Variants in SLC24A2 observed in about 807,000 individuals in gnomAD.
The protein encoded by SLC24A2 is solute carrier family 24 member 2.
A neutral mutation model predicts 62.0 loss-of-function variants in SLC24A2; 36 were observed. The observed-to-expected ratio is 0.58, with a 90% CI of 0.44 to 0.77. The LOEUF is 0.77. SLC24A2 is among the 30% of genes least tolerant of loss of function. SLC24A2 has a pLI of 0.00. For missense variants in SLC24A2, 846 were observed against 817.9 expected (o/e 1.03, Z -0.42); for synonymous variants, 358 against 294.0 (o/e 1.22, Z -2.23).
chr9:19,803,372 G>T, the SLC24A2 span, among the ~76,000 whole-genome samples: 1 of 151,962 alleles, frequency 6.6e-6, no homozygotes, highest in African/African-American at 2.4e-5. Flanking sequence ...TTTAGTCTTG[G>T]GATGCTGACA....
intron 2 of SLC24A2, among the ~76,000 whole-genome samples, chr9:19,736,220 T>C (rs574406807): frequency 2.0e-5 from 3 of 152,172 alleles, no homozygotes; most frequent in Admixed American, 6.5e-5. Flanking sequence ...AATATAATAA[T>C]AATACTTGAT....
At chr9:19,735,018 A>G (rs1821462671) in intron 2 of SLC24A2, among the ~76,000 whole-genome samples, 1 of 152,140 alleles carries the variant, frequency 6.6e-6, no homozygotes. Flanking sequence ...ATGGGATCTA[A>G]TTAAACTAAA....
chr9:19,884,168 A>G, the SLC24A2 span, among the ~76,000 whole-genome samples: 1 of 152,370 alleles, frequency 6.6e-6, no homozygotes, highest in South Asian at 2.1e-4. Context: ...AAATTCATCT[A>G]TAATGATCTT....
At chr9:19,680,851 TTGTGTGTGTGTGTG>T (rs72142691) in intron 2 of SLC24A2, among the ~76,000 whole-genome samples, 4,027 of 147,048 alleles carry the variant, frequency 0.027, 186 homozygotes, top group African/African-American at 0.096. Context: ...TATACCAGAG[TTGTGTGTGTGTGTG>T]TGTGTGTGTG....
At chr9:20,197,889 G>A in the SLC24A2 span, among the ~76,000 whole-genome samples, 3 of 152,278 alleles carry the variant, frequency 2.0e-5, no homozygotes, top group African/African-American at 4.8e-5. Context: ...GAATGTAAAG[G>A]TGAAAAATGA....
chr9:19,626,493 G>C (rs1818039826), intron 2 of SLC24A2, among the ~76,000 whole-genome samples: 1 of 152,160 alleles, frequency 6.6e-6, no homozygotes, highest in East Asian at 1.9e-4. Context: ...CTAAGTAACA[G>C]CTATAAACTT....
At chr9:19,685,983 A>G (rs1300885739) in intron 2 of SLC24A2, among the ~76,000 whole-genome samples, 1 of 152,132 alleles carries the variant, frequency 6.6e-6, no homozygotes, top group Admixed American at 6.5e-5. Flanking sequence ...TAAACAGACA[A>G]CCTACATAAT....
chr9:19,566,108 G>A (rs1835638700), intron 7 of SLC24A2, among the ~76,000 whole-genome samples: 1 of 152,132 alleles, frequency 6.6e-6, no homozygotes, highest in Non-Finnish European at 1.5e-5. Context: ...AGTCAAAATT[G>A]ACAAATGGAA....
At chr9:20,204,333 C>T in the SLC24A2 span, among the ~76,000 whole-genome samples, 1 of 152,156 alleles carries the variant, frequency 6.6e-6, no homozygotes, top group Non-Finnish European at 1.5e-5. Flanking sequence ...AAAGAGACTG[C>T]GTTGCCACGT....
chr9:19,970,536 A>G, the SLC24A2 span, among the ~76,000 whole-genome samples: 1 of 152,208 alleles, frequency 6.6e-6, no homozygotes, highest in Non-Finnish European at 1.5e-5. Context: ...GCTTATTTTG[A>G]ATTCTGCAAG....
At position 19,571,534 on chromosome 9, in the gene SLC24A2, G is replaced by T. The variant is rs71508794; in HGVS notation, c.1347+1817C>A. On this transcript the variant is annotated intron_variant, in intron 7 of 10. Transcript: ENST00000341998. ...GAGTGCTTTCAAACTTTAGGGTAGT[G>T]CTACTCCAAGTATGGTCCTTGGACC... Among the ~76,000 whole-genome samples the T allele has an allele frequency of 4.9e-3, 753 of 152,222 alleles. 6 individuals are homozygous for T. The highest frequency in any genetic ancestry group is 6.8e-3 in the Non-Finnish European group (463 of 68,014).
the SLC24A2 span, among the ~76,000 whole-genome samples, chr9:20,254,308 A>G: frequency 6.6e-6 from 1 of 152,196 alleles, no homozygotes; most frequent in Non-Finnish European, 1.5e-5. Context: ...TCAAGCTGCT[A>G]TTTTAGAAAT....
At chr9:20,134,010 A>G in the SLC24A2 span, among the ~76,000 whole-genome samples, 3 of 152,170 alleles carry the variant, frequency 2.0e-5, no homozygotes, top group Admixed American at 1.3e-4. Context: ...TAGTGAAAGA[A>G]AACAGGAGCA....
chr9:19,517,749 C>A (rs1462060314), intron 10 of SLC24A2, among the ~76,000 whole-genome samples: 2 of 151,776 alleles, frequency 1.3e-5, no homozygotes, highest in Non-Finnish European at 2.9e-5. Flanking sequence ...AGGGGGCAGC[C>A]TTGGCATCCT....
intron 2 of SLC24A2, among the ~76,000 whole-genome samples, chr9:19,731,702 T>A (rs929256470): frequency 6.6e-6 from 1 of 152,204 alleles, no homozygotes; most frequent in Non-Finnish European, 1.5e-5. Context: ...CAGTCTGTGG[T>A]ATTTTCTTAT....
intron 2 of SLC24A2, among the ~76,000 whole-genome samples, chr9:19,676,373 G>A (rs1307364502): frequency 6.6e-6 from 1 of 152,182 alleles, no homozygotes; most frequent in Non-Finnish European, 1.5e-5. Context: ...TGAGTGGGAG[G>A]TGCAATTTAG....
chr9:20,236,156 G>C, the SLC24A2 span, among the ~76,000 whole-genome samples: 6 of 152,168 alleles, frequency 3.9e-5, no homozygotes, highest in African/African-American at 1.2e-4. Flanking sequence ...TGCTTTCTTA[G>C]GGTAACACGT....
At position 19,515,828 on chromosome 9, in the gene SLC24A2, T is replaced by G; in HGVS notation, c.*325A>C. On this transcript the variant is annotated 3_prime_UTR_variant, in exon 11 of 11. Coordinates refer to ENST00000341998, the MANE Select transcript of SLC24A2 (RefSeq NM_020344.4). ...GTGCGTATATTTATAATATGTGTAT[T>G]TATAGATATATATAGCCTGTGTCCT... 2.8e-6 allele frequency: 1 copy of G among 363,186 alleles called. No homozygotes were observed. The highest frequency in any genetic ancestry group is 2.3e-5 in the South Asian group (1 of 42,774). The allele number at this position is 363,186 out of a possible 1,614,324, so 22.5% of individuals were successfully genotyped here. A position where few individuals can be genotyped will look rare whatever the true frequency, so the allele number is the denominator to read the frequency against.
chr9:19,714,322 C>A (rs948966544), intron 2 of SLC24A2, among the ~76,000 whole-genome samples: 3 of 152,158 alleles, frequency 2.0e-5, no homozygotes, highest in African/African-American at 7.2e-5. Context: ...GGGTGCAGCA[C>A]TCGCAGAACC....
Sources: allele counts gnomAD v4.1 joint callset (sites outside exome capture counted in the v4.1 genomes callset), GRCh38; gene constraint gnomAD v4.1.1; transcripts MANE v1.5; gene names NCBI Gene and HGNC (gene_info 2026-07-23, HGNC 2026-07-21).